The following GALNT13 variants were observed in gnomAD, a reference collection of about 807,000 sequenced individuals.
The protein encoded by GALNT13 is polypeptide N-acetylgalactosaminyltransferase 13.
In GALNT13, 28 loss-of-function variants were observed where a neutral mutation model predicts 64.2. That is an observed-to-expected ratio of 0.44 (90% confidence interval 0.32 to 0.60). GALNT13 has a LOEUF of 0.60. Ranked by LOEUF, GALNT13 falls within the 20% of genes least tolerant of loss-of-function variation. The pLI, the probability that GALNT13 is intolerant of heterozygous loss-of-function variation, is 0.05. For missense variants in GALNT13, 577 were observed against 669.8 expected, an observed-to-expected ratio of 0.86 and a Z score of 1.53; for synonymous variants, 214 against 224.6, an observed-to-expected ratio of 0.95 and a Z score of 0.42.
the GALNT13 span, among the ~76,000 whole-genome samples, chr2:153,580,925 A>G: frequency 2.0e-5 from 3 of 152,164 alleles, no homozygotes; most frequent in East Asian, 5.8e-4. Flanking sequence ...ATTGGTGTTC[A>G]TATGTAAAAT....
chr2:154,168,210 C>T (rs951263059), intron 4 of GALNT13, among the ~76,000 whole-genome samples: 24 of 152,046 alleles, frequency 1.6e-4, no homozygotes, highest in East Asian at 7.8e-4. Context: ...TTCACATGAT[C>T]ATAGAGGCCG....
the GALNT13 span, among the ~76,000 whole-genome samples, chr2:153,367,115 A>G: frequency 3.3e-5 from 5 of 152,264 alleles, no homozygotes; most frequent in African/African-American, 7.2e-5. Flanking sequence ...CTGAATCTAC[A>G]TAAAGAAATG....
the GALNT13 span, among the ~76,000 whole-genome samples, chr2:153,626,149 G>T: frequency 6.6e-6 from 1 of 151,914 alleles, no homozygotes; most frequent in Non-Finnish European, 1.5e-5. Flanking sequence ...ATAAACCATT[G>T]GTTCCCAGAT....
the GALNT13 span, among the ~76,000 whole-genome samples, chr2:153,770,521 T>C: frequency 5.3e-5 from 8 of 152,200 alleles, no homozygotes; most frequent in Non-Finnish European, 1.0e-4. Flanking sequence ...TTGAAAGATT[T>C]CCTATTGTGT....
chr2:153,747,188 G>T, the GALNT13 span, among the ~76,000 whole-genome samples: 1 of 152,038 alleles, frequency 6.6e-6, no homozygotes, highest in East Asian at 1.9e-4. Flanking sequence ...ATCTGCTCAA[G>T]ACTTTATCCT....
the GALNT13 span, chr2:153,478,091 G>A: frequency 1.1e-5 from 7 of 662,766 alleles, no homozygotes; most frequent in East Asian, 1.4e-4. Flanking sequence ...GGGAGAAACC[G>A]GTCGCTTCTT....
intron 4 of GALNT13, among the ~76,000 whole-genome samples, chr2:154,167,682 G>A (rs2105689101): frequency 6.6e-6 from 1 of 152,258 alleles, no homozygotes. Context: ...CTTAATGTAG[G>A]GAGAGAAAGG....
the GALNT13 span, among the ~76,000 whole-genome samples, chr2:153,551,771 A>G: frequency 1.3e-5 from 2 of 152,212 alleles, no homozygotes; most frequent in Admixed American, 6.5e-5. Flanking sequence ...GTCAGAGCAT[A>G]GATGTTTAGT....
the GALNT13 span, among the ~76,000 whole-genome samples, chr2:153,119,821 G>C: frequency 6.6e-6 from 1 of 152,168 alleles, no homozygotes. Context: ...GAGTTTCTCT[G>C]AGAGTTTAAG....
chr2:153,440,059 C>T, the GALNT13 span, among the ~76,000 whole-genome samples: 6 of 152,128 alleles, frequency 3.9e-5, no homozygotes, highest in Non-Finnish European at 7.4e-5. Context: ...CCCATCAACC[C>T]GTCATCTACA....
At chr2:153,624,984 T>G in the GALNT13 span, among the ~76,000 whole-genome samples, 1 of 152,144 alleles carries the variant, frequency 6.6e-6, no homozygotes, top group South Asian at 2.1e-4. Flanking sequence ...GAGAAGGCAC[T>G]ATGAGAAGAC....
At chr2:153,848,726 C>T in the GALNT13 span, among the ~76,000 whole-genome samples, 1 of 151,844 alleles carries the variant, frequency 6.6e-6, no homozygotes, top group African/African-American at 2.4e-5. Context: ...AATATACAAA[C>T]TTTTAAAAAA....
intron 3 of GALNT13, among the ~76,000 whole-genome samples, chr2:154,135,406 G>A (rs1440101294): frequency 6.6e-6 from 1 of 152,116 alleles, no homozygotes; most frequent in Admixed American, 6.5e-5. Context: ...TAGACTTGAT[G>A]CAGCCGGGGC....
At chr2:154,120,111 A>G (rs1681852285) in intron 3 of GALNT13, among the ~76,000 whole-genome samples, 1 of 152,016 alleles carries the variant, frequency 6.6e-6, no homozygotes, top group African/African-American at 2.4e-5. Flanking sequence ...GATCTTAACT[A>G]TTTAATATAG....
At chr2:153,591,218 C>CA in the GALNT13 span, among the ~76,000 whole-genome samples, 1 of 151,734 alleles carries the variant, frequency 6.6e-6, no homozygotes, top group African/African-American at 2.4e-5. Flanking sequence ...ACAACAGCTA[C>CA]AAAAAAATTA....
At chr2:153,975,214 A>C (rs1240179782) in intron 3 of GALNT13, among the ~76,000 whole-genome samples, 2 of 152,082 alleles carry the variant, frequency 1.3e-5, no homozygotes, top group Non-Finnish European at 1.5e-5. Flanking sequence ...TCATGCCTTC[A>C]AATGTGTGAT....
chr2:153,878,535 G>T (rs528024664), intron 1 of GALNT13, among the ~76,000 whole-genome samples: 1 of 152,284 alleles, frequency 6.6e-6, no homozygotes, highest in East Asian at 1.9e-4. Flanking sequence ...TTAGTTTACT[G>T]TGTTAATGTT....
At chr2:153,518,282 A>G in the GALNT13 span, among the ~76,000 whole-genome samples, 2 of 152,130 alleles carry the variant, frequency 1.3e-5, no homozygotes, top group Non-Finnish European at 2.9e-5. Flanking sequence ...AGTCACACAC[A>G]ATCTGTCTCC....
the GALNT13 span, among the ~76,000 whole-genome samples, chr2:153,452,651 C>T: frequency 6.6e-6 from 1 of 151,804 alleles, no homozygotes; most frequent in Admixed American, 6.6e-5. Context: ...AAAAACATTC[C>T]ATGCCCATGG....
Sources: allele counts gnomAD v4.1 joint callset (sites outside exome capture counted in the v4.1 genomes callset), GRCh38; gene constraint gnomAD v4.1.1; transcripts MANE v1.5; gene names NCBI Gene and HGNC (gene_info 2026-07-23, HGNC 2026-07-21).